The following ZNF385B variants were observed in gnomAD, a reference collection of about 807,000 sequenced individuals.
ZNF385B encodes the protein zinc finger protein 533.
ZNF385B carries 23 observed loss-of-function variants against 39.2 expected under a neutral mutation model. That is an observed-to-expected ratio of 0.59 (90% CI 0.42 to 0.83). The LOEUF (loss-of-function observed/expected upper bound fraction) is 0.83, where lower values mean the gene tolerates loss of function less well. Among genes scored for constraint, ZNF385B ranks in the 40% least tolerant of loss-of-function variants. The pLI, the probability that ZNF385B is intolerant of heterozygous loss-of-function variation, is 0.00. For missense variants in ZNF385B, 552 were observed against 598.9 expected, an observed-to-expected ratio of 0.92 and a Z score of 0.82; for synonymous variants, 205 against 222.6, an observed-to-expected ratio of 0.92 and a Z score of 0.70.
intron 1 of ZNF385B, among the ~76,000 whole-genome samples, chr2:179,831,667 A>G (rs886167559): frequency 1.3e-5 from 2 of 152,196 alleles, no homozygotes; most frequent in African/African-American, 4.8e-5. Flanking sequence ...TCATGGGCCC[A>G]TAACTTTGCT....
intron 5 of ZNF385B, among the ~76,000 whole-genome samples, chr2:179,483,723 G>A (rs2054262404): frequency 6.6e-6 from 1 of 152,192 alleles, no homozygotes; most frequent in African/African-American, 2.4e-5. Context: ...TTTGTCATCA[G>A]TGCCCTCCCA....
intron 3 of ZNF385B, among the ~76,000 whole-genome samples, chr2:179,624,761 T>G (rs569732709): frequency 2.6e-5 from 4 of 152,182 alleles, no homozygotes; most frequent in African/African-American, 9.7e-5. Context: ...AACTTGCTAA[T>G]TTCTACCAAA....
At chr2:179,661,795 A>G (rs1300114136) in intron 3 of ZNF385B, among the ~76,000 whole-genome samples, 1 of 152,226 alleles carries the variant, frequency 6.6e-6, no homozygotes, top group African/African-American at 2.4e-5. Flanking sequence ...TGTGGTGGTC[A>G]ATATCAGTGT....
At chr2:179,541,720 T>C (rs557249702) in intron 4 of ZNF385B, among the ~76,000 whole-genome samples, 1 of 152,172 alleles carries the variant, frequency 6.6e-6, no homozygotes, top group Non-Finnish European at 1.5e-5. Context: ...TTCGTGTTGT[T>C]TGTAGAGGTC....
At chr2:179,610,908 T>C (rs1193876558) in intron 3 of ZNF385B, among the ~76,000 whole-genome samples, 1 of 152,190 alleles carries the variant, frequency 6.6e-6, no homozygotes, top group East Asian at 1.9e-4. Context: ...GCAACTTTAT[T>C]GAATTTGTTT....
At position 179,532,994 on chromosome 2, in the gene ZNF385B, G is replaced by C. The variant is rs139128010; in HGVS notation, c.441+11833C>G. ...CTAGAGGCTGAAGCAAATGTAAAAGGGAGTCTATGAATTGCTGATAATTTC... is the reference window on the plus strand; with the variant it reads ...CTAGAGGCTGAAGCAAATGTAAAAGCGAGTCTATGAATTGCTGATAATTTC... On this transcript the variant is annotated intron_variant, in intron 4 of 9. Transcript: ENST00000410066. Among the ~76,000 whole-genome samples the C allele has an allele frequency of 5.8e-3, 884 of 152,268 alleles. 3 individuals are homozygous for C. Among genetic ancestry groups the C allele is most frequent in the Middle Eastern group, 0.017 (5 of 294 alleles).
chr2:179,789,505 T>C (rs997542836), intron 1 of ZNF385B, among the ~76,000 whole-genome samples: 7 of 152,176 alleles, frequency 4.6e-5, no homozygotes, highest in Admixed American at 2.6e-4. Context: ...CTAGGGACTA[T>C]AGAGAAGATG....
intron 5 of ZNF385B, among the ~76,000 whole-genome samples, chr2:179,515,238 C>G (rs1181990688): frequency 6.6e-6 from 1 of 152,200 alleles, no homozygotes; most frequent in Non-Finnish European, 1.5e-5. Context: ...TTTTACTCTT[C>G]TTAAATTAAC....
At chr2:179,541,122 G>A (rs2059895951) in intron 4 of ZNF385B, among the ~76,000 whole-genome samples, 1 of 152,136 alleles carries the variant, frequency 6.6e-6, no homozygotes, top group Non-Finnish European at 1.5e-5. Context: ...TCCTTGACAT[G>A]TACTCCATCA....
intron 6 of ZNF385B, among the ~76,000 whole-genome samples, chr2:179,466,915 CAAAAAA>C (rs777679885): frequency 7.8e-4 from 21 of 26,936 alleles, no homozygotes; most frequent in East Asian, 3.2e-3. Flanking sequence ...GCAAGACTGT[CAAAAAA>C]AAAAAAAAAA....
chr2:179,481,824 T>C (rs1430189218), intron 6 of ZNF385B, among the ~76,000 whole-genome samples: 1 of 152,150 alleles, frequency 6.6e-6, no homozygotes, highest in Non-Finnish European at 1.5e-5. Flanking sequence ...CTTCCAAACA[T>C]TGGGTAGCCT....
intron 3 of ZNF385B, among the ~76,000 whole-genome samples, chr2:179,570,764 C>A (rs1472810082): frequency 6.6e-6 from 1 of 152,154 alleles, no homozygotes; most frequent in Non-Finnish European, 1.5e-5. Context: ...ATGGACCACC[C>A]CCTCTCCAGG....
intron 9 of ZNF385B, among the ~76,000 whole-genome samples, chr2:179,444,356 A>G (rs1303939663): frequency 6.6e-6 from 1 of 152,190 alleles, no homozygotes; most frequent in Non-Finnish European, 1.5e-5. Flanking sequence ...GTGTTTTTGC[A>G]AAGACACTGA....
chr2:179,740,456 T>C lies in ZNF385B; in HGVS notation c.298+29047A>G, dbSNP rs975587567. 2.6e-5 allele frequency among the ~76,000 whole-genome samples: 4 copies of C among 152,166 alleles called. No individual in the cohort carries two copies. The South Asian group carries it at 8.3e-4, about 32-fold the overall frequency. ...TCAATTGCCATTTGCCAAGAAAAGA[T>C]AGCTATTGACCAGCATCACCTTTTA... On this transcript the variant is annotated intron_variant, in intron 3 of 9. Transcript: ENST00000410066.
chr2:179,537,312 A>T (rs1196448188), intron 4 of ZNF385B, among the ~76,000 whole-genome samples: 65 of 115,090 alleles, frequency 5.6e-4, no homozygotes, highest in African/African-American at 2.2e-3. Flanking sequence ...TCAAAAAAAA[A>T]AAAATAAATA....
At chr2:179,842,393 T>C (rs995859886) in intron 1 of ZNF385B, among the ~76,000 whole-genome samples, 4 of 152,210 alleles carry the variant, frequency 2.6e-5, no homozygotes, top group Admixed American at 2.6e-4. Flanking sequence ...TAAACTTCCC[T>C]GTCTTTGTCC....
rs185966479 is a variant in ZNF385B at position 179,722,354 on chromosome 2, A to G, written c.298+47149T>C. 3.8e-3 allele frequency among the ~76,000 whole-genome samples: 578 copies of G among 152,304 alleles called. 3 individuals carry two copies. Among genetic ancestry groups the G allele is most frequent in the South Asian group, 0.018 (89 of 4,828 alleles). On this transcript the variant is annotated intron_variant, in intron 3 of 9. Coordinates refer to ENST00000410066, the MANE Select transcript of ZNF385B (RefSeq NM_152520.6). ...TCAGTCAGCTGTGAAGAATTTTTAT[A>G]CATTCACAGATATTAACATATTATG... is the stretch of plus-strand genomic sequence containing the variant.
intron 1 of ZNF385B, among the ~76,000 whole-genome samples, chr2:179,827,498 G>A (rs569219134): frequency 1.4e-4 from 22 of 152,082 alleles, no homozygotes; most frequent in African/African-American, 4.6e-4. Flanking sequence ...GGAAATCTGT[G>A]TTTTATATTT....
intron 4 of ZNF385B, among the ~76,000 whole-genome samples, chr2:179,519,786 T>C (rs2058353004): frequency 6.6e-6 from 1 of 152,202 alleles, no homozygotes; most frequent in Non-Finnish European, 1.5e-5. Context: ...CTCCTGAGGT[T>C]AGAGATTAAG....
Sources: allele counts gnomAD v4.1 joint callset (sites outside exome capture counted in the v4.1 genomes callset), GRCh38; gene constraint gnomAD v4.1.1; transcripts MANE v1.5; gene names NCBI Gene and HGNC (gene_info 2026-07-23, HGNC 2026-07-21).